The following EPB41L4A variants were observed in gnomAD, a reference collection of about 807,000 sequenced individuals.
EPB41L4A encodes the protein erythrocyte membrane protein band 4.1 like 4A, also known as band 4.1-like protein 4A.
Under a neutral mutation model 108.6 loss-of-function variants are expected in EPB41L4A, and 100 were observed. The ratio of observed to expected loss-of-function variants is 0.92; its 90% CI spans 0.78 to 1.09. The LOEUF (loss-of-function observed/expected upper bound fraction) is 1.09, where lower values mean the gene tolerates loss of function less well. EPB41L4A is among the 50% of genes least tolerant of loss of function. The pLI is 0.00. For synonymous variants in EPB41L4A, 319 were observed against 289.0 expected (o/e 1.10, Z -1.05); for missense variants, 1,030 against 842.7 (o/e 1.22, Z -2.75).
chr5:112,204,556 G>A lies in EPB41L4A; in HGVS notation c.1263-68C>T, dbSNP rs1257487752. On this transcript the variant is annotated intron_variant, in intron 14 of 22. Transcript: ENST00000261486. ...CTGGGGGAAAACACACCGCAGCCCA[G>A]ACCTATTCATAACTGCACAGCTGGT... 6.0e-6 allele frequency: 6 copies of A among 1,000,072 alleles called. No homozygotes were observed. The African/African-American group carries it at 7.9e-5, about 13-fold the overall frequency. The allele number at this position is 1,000,072 out of a possible 1,614,324, so 61.9% of individuals were successfully genotyped here.
At chr5:112,236,508 G>A (rs1393185710) in intron 11 of EPB41L4A, among the ~76,000 whole-genome samples, 1 of 152,218 alleles carries the variant, frequency 6.6e-6, no homozygotes, top group Non-Finnish European at 1.5e-5. Flanking sequence ...CCTGGCAGAA[G>A]TATTCTTATA....
chr5:112,211,629 T>A (rs1316469311), intron 12 of EPB41L4A, among the ~76,000 whole-genome samples: 1 of 151,050 alleles, frequency 6.6e-6, no homozygotes, highest in Non-Finnish European at 1.5e-5. Flanking sequence ...AAAGTGATGT[T>A]CAATGAGAAG....
chr5:112,220,295 G>A (rs754375586), intron 12 of EPB41L4A, among the ~76,000 whole-genome samples: 8 of 152,070 alleles, frequency 5.3e-5, no homozygotes, highest in East Asian at 1.9e-4. Flanking sequence ...TGACAAATCC[G>A]CTGGGTCCTC....
At chr5:112,386,799 A>T (rs1264740651) in intron 1 of EPB41L4A, among the ~76,000 whole-genome samples, 1 of 152,260 alleles carries the variant, frequency 6.6e-6, no homozygotes, top group Non-Finnish European at 1.5e-5. Context: ...AAGACTGAAT[A>T]GATGGAAAGG....
chr5:112,419,747 C>A (rs1284784356), upstream of EPB41L4A: 1 of 456,670 alleles, frequency 2.2e-6, no homozygotes, highest in Non-Finnish European at 4.4e-6. Context: ...GAAAGGGCAG[C>A]AGGCTCCTTA....
chr5:112,411,754 G>T (rs1320057755), intron 1 of EPB41L4A, among the ~76,000 whole-genome samples: 2 of 152,222 alleles, frequency 1.3e-5, no homozygotes, highest in African/African-American at 4.8e-5. Flanking sequence ...CTCCCATTAG[G>T]AGGCTGGCCC....
chr5:112,232,043 G>T (rs910024168), intron 12 of EPB41L4A, among the ~76,000 whole-genome samples: 4 of 149,776 alleles, frequency 2.7e-5, no homozygotes, highest in Non-Finnish European at 5.9e-5. Flanking sequence ...TGAGCCATAA[G>T]TTCAAAGCTA....
chr5:112,252,704 G>A (rs1239294314), intron 9 of EPB41L4A, among the ~76,000 whole-genome samples: 1 of 152,090 alleles, frequency 6.6e-6, no homozygotes, highest in African/African-American at 2.4e-5. Context: ...CTGGATGGGG[G>A]AGGCATGGGC....
chr5:112,367,268 C>A (rs991349893), intron 1 of EPB41L4A, among the ~76,000 whole-genome samples: 1 of 152,214 alleles, frequency 6.6e-6, no homozygotes, highest in Non-Finnish European at 1.5e-5. Flanking sequence ...TCCAGTACTG[C>A]ACCTCATATC....
intron 1 of EPB41L4A, among the ~76,000 whole-genome samples, chr5:112,393,241 A>T (rs1236733605): frequency 6.6e-6 from 1 of 152,228 alleles, no homozygotes; most frequent in Admixed American, 6.5e-5. Flanking sequence ...AACTAAGATC[A>T]GAGCAGAACT....
At chr5:112,168,220 G>A (rs1428583474) in intron 22 of EPB41L4A, among the ~76,000 whole-genome samples, 1 of 152,176 alleles carries the variant, frequency 6.6e-6, no homozygotes, top group East Asian at 1.9e-4. Context: ...ATTCAGCTAA[G>A]TGTTAAAGTG....
chr5:112,407,311 T>C (rs1382500638), intron 1 of EPB41L4A, among the ~76,000 whole-genome samples: 1 of 152,216 alleles, frequency 6.6e-6, no homozygotes, highest in Non-Finnish European at 1.5e-5. Flanking sequence ...TTGATACCAC[T>C]AAGATTTCCT....
At chr5:112,214,162 C>T (rs558201100) in intron 12 of EPB41L4A, among the ~76,000 whole-genome samples, 3 of 152,276 alleles carry the variant, frequency 2.0e-5, no homozygotes, top group Admixed American at 2.0e-4. Flanking sequence ...CAGACTCGGG[C>T]TACAGAGAAA....
chr5:112,186,774 T>C (rs941253185), intron 17 of EPB41L4A, among the ~76,000 whole-genome samples: 1 of 152,174 alleles, frequency 6.6e-6, no homozygotes, highest in Non-Finnish European at 1.5e-5. Context: ...ATTACAAGAA[T>C]GAAAGTGTCA....
chr5:112,380,820 C>T (rs1561625614), intron 1 of EPB41L4A, among the ~76,000 whole-genome samples: 1 of 123,616 alleles, frequency 8.1e-6, no homozygotes, highest in African/African-American at 2.8e-5. Context: ...CACACACACA[C>T]ACACACACAA....
At chr5:112,161,479 A>G (rs752008611), downstream of EPB41L4A, 2 of 518,402 alleles carry the variant, frequency 3.9e-6, no homozygotes, top group Admixed American at 1.9e-5. Flanking sequence ...TACCTCACGC[A>G]GTGTCAGCCT....
chr5:112,174,613 A>C (rs889863441), intron 18 of EPB41L4A, among the ~76,000 whole-genome samples: 1 of 152,184 alleles, frequency 6.6e-6, no homozygotes, highest in African/African-American at 2.4e-5. Flanking sequence ...ATAAATCTAC[A>C]AAGGATTTAA....
intron 2 of EPB41L4A, among the ~76,000 whole-genome samples, chr5:112,290,816 A>C (rs1753595015): frequency 6.6e-6 from 1 of 152,222 alleles, no homozygotes; most frequent in Non-Finnish European, 1.5e-5. Flanking sequence ...CAAAGGAGCA[A>C]GCCAGCCCAG....
chr5:112,303,109 T>G (rs1190350324), intron 2 of EPB41L4A, among the ~76,000 whole-genome samples: 1 of 152,214 alleles, frequency 6.6e-6, no homozygotes, highest in East Asian at 1.9e-4. Context: ...CATGACAATC[T>G]TCCTTTCTTT....
Sources: gnomAD v4.1 joint callset for allele counts (sites outside exome capture counted in the v4.1 genomes callset) on GRCh38, gnomAD v4.1.1 for gene constraint, MANE v1.5 for transcripts, NCBI Gene and HGNC (gene_info 2026-07-23, HGNC 2026-07-21) for gene names.